UCHL3: variants seen among roughly 807,000 people sequenced by gnomAD.
UCHL3 encodes the protein ubiquitin carboxyl-terminal hydrolase isozyme L3.
UCHL3 carries 22 observed loss-of-function variants against 35.8 expected under a neutral mutation model. The ratio of observed to expected loss-of-function variants is 0.61; its 90% CI spans 0.44 to 0.88. UCHL3 has a LOEUF of 0.88. Among genes scored for constraint, UCHL3 ranks in the 40% least tolerant of loss-of-function variants. The pLI is 0.00. For synonymous variants in UCHL3, 90 were observed against 92.8 expected (o/e 0.97, Z 0.17); for missense variants, 229 against 276.9 (o/e 0.83, Z 1.23).
chr13:75,592,453 T>TATATATATATGTATATATGTATATAC (rs2032530364), intron 6 of UCHL3, among the ~76,000 whole-genome samples: 1 of 102,186 alleles, frequency 9.8e-6, no homozygotes, highest in African/African-American at 3.3e-5. Context: ...TATATATATA[T>TATATATATATGTATATATGTATATAC]ATATATATAT....
intron 6 of UCHL3, among the ~76,000 whole-genome samples, chr13:75,586,959 T>C (rs930198827): frequency 6.9e-6 from 1 of 145,446 alleles, no homozygotes; most frequent in Non-Finnish European, 1.5e-5. Flanking sequence ...ATTACATGCT[T>C]ATAGTAGAAA....
intron 7 of UCHL3, among the ~76,000 whole-genome samples, chr13:75,603,655 A>G (rs1211613623): frequency 1.3e-5 from 2 of 149,462 alleles, no homozygotes; most frequent in African/African-American, 2.4e-5. Context: ...CTATTGAAGA[A>G]TAAGCATTTA....
At position 75,593,158 on chromosome 13, in the gene UCHL3, C is replaced by T. The variant is rs7317172; in HGVS notation, c.475-1757C>T. On this transcript the variant is annotated intron_variant, in intron 6 of 8. Coordinates refer to ENST00000377595, the MANE Select transcript of UCHL3 (RefSeq NM_006002.5). The stretch of plus-strand genomic sequence containing the variant: ...TTAAAAGATTTAGAGTATTTCATAT[C>T]CTGTTGGAAAATTGTCTTAAAATGA... Among the ~76,000 whole-genome samples, 564 of 152,154 alleles carry T rather than the reference C, an allele frequency of 3.7e-3. 2 individuals are homozygous for T. The highest frequency in any genetic ancestry group is 0.013 in the African/African-American group (545 of 41,512).
chr13:75,584,036 C>G (rs1037334322), intron 6 of UCHL3, among the ~76,000 whole-genome samples: 1 of 152,144 alleles, frequency 6.6e-6, no homozygotes, highest in Non-Finnish European at 1.5e-5. Flanking sequence ...GGCGTGAAGC[C>G]TGGATTCTTC....
intron 2 of UCHL3, among the ~76,000 whole-genome samples, chr13:75,559,622 C>G (rs988193794): frequency 6.6e-6 from 1 of 152,164 alleles, no homozygotes; most frequent in Non-Finnish European, 1.5e-5. Flanking sequence ...GTCATGGCTT[C>G]CACTGGTTTT....
intron 7 of UCHL3, 29 bp from the exon 8 acceptor site, chr13:75,604,740 G>A: frequency 5.7e-6 from 9 of 1,572,524 alleles, no homozygotes; most frequent in Non-Finnish European, 7.8e-6. Flanking sequence ...AAACAGCTAA[G>A]CATTCAATTG....
intron 6 of UCHL3, among the ~76,000 whole-genome samples, chr13:75,573,628 G>A (rs1387494043): frequency 2.6e-5 from 4 of 152,086 alleles, no homozygotes; most frequent in Non-Finnish European, 5.9e-5. Flanking sequence ...GGAGAGAGAC[G>A]GGGAGAGAGA....
chr13:75,559,164 C>T (rs1015422229), intron 2 of UCHL3, among the ~76,000 whole-genome samples: 23 of 151,554 alleles, frequency 1.5e-4, no homozygotes, highest in African/African-American at 5.3e-4. Context: ...CTTAGCCTCC[C>T]GAGTAGCTGG....
At chr13:75,599,783 C>A (rs1566231808) in intron 7 of UCHL3, among the ~76,000 whole-genome samples, 2 of 152,134 alleles carry the variant, frequency 1.3e-5, no homozygotes, top group Non-Finnish European at 2.9e-5. Context: ...CAGATAATAA[C>A]CCTACAAAGG....
intron 3 of UCHL3, 109 bp from the exon 4 acceptor site, chr13:75,566,586 C>T: frequency 2.9e-6 from 2 of 700,534 alleles, no homozygotes; most frequent in Admixed American, 3.9e-5. Context: ...ATTTTAAACC[C>T]TTTCTTTCAT....
intron 6 of UCHL3, among the ~76,000 whole-genome samples, chr13:75,571,727 C>G (rs2031862662): frequency 6.6e-6 from 1 of 152,066 alleles, no homozygotes. Context: ...AGATGGAGTG[C>G]AGATAGAAGT....
At position 75,575,424 on chromosome 13, in the gene UCHL3, T is replaced by C. The variant is rs180783831; in HGVS notation, c.474+5917T>C. 5.9e-5 allele frequency among the ~76,000 whole-genome samples: 9 copies of C among 152,262 alleles called. 1 individual carries two copies. In the East Asian group the frequency reaches 1.5e-3, roughly 26 times the overall value. ...ATTAAATTATTAGTGGCAGAGAGTG[T>C]TTTCTTTTTTTCCATTGATTTTCCA... On this transcript the variant is annotated intron_variant, in intron 6 of 8. Coordinates refer to ENST00000377595, the MANE Select transcript of UCHL3 (RefSeq NM_006002.5).
intron 7 of UCHL3, chr13:75,604,500 G>GT (rs1555278187): frequency 3.2e-6 from 1 of 314,346 alleles, no homozygotes; most frequent in Non-Finnish European, 5.7e-6. Flanking sequence ...ATAATTTTGC[G>GT]TATTATTTTC....
In UCHL3 at chr13:75,567,305, A is replaced by G; in HGVS notation, c.419A>G (p.Asn140Ser). 6.2e-7 allele frequency: 1 copy of G among 1,614,102 alleles called. No homozygotes were observed. Among genetic ancestry groups the G allele is most frequent in the Non-Finnish European group, 8.5e-7 (1 of 1,179,992 alleles). The change falls in exon 5 of 9, where the codon AAC becomes AGC. Residue 140 changes from asparagine (N) to serine (S), a missense_variant. By Grantham distance (46) the Asn-to-Ser change is conservative. Coordinates refer to ENST00000377595, the MANE Select transcript of UCHL3 (RefSeq NM_006002.5). ...GAAGAACGAGCCAGATACCTGGAGAACTATGATGTCGGTACCTTCTTTCCG... is the reference window on the plus strand; with the variant it reads ...GAAGAACGAGCCAGATACCTGGAGAGCTATGATGTCGGTACCTTCTTTCCG... ...SPEERARYLE[N>S]YDAIRVTHET...
chr13:75,589,255 G>C (rs2032411070), intron 6 of UCHL3, among the ~76,000 whole-genome samples: 1 of 152,112 alleles, frequency 6.6e-6, no homozygotes, highest in Non-Finnish European at 1.5e-5. Context: ...AGGAATAGTT[G>C]TGCCTGTGGG....
At chr13:75,602,409 C>T (rs533125122) in intron 7 of UCHL3, among the ~76,000 whole-genome samples, 4 of 152,300 alleles carry the variant, frequency 2.6e-5, no homozygotes, top group South Asian at 2.1e-4. Context: ...TTTTCTTCCC[C>T]GTCCAGCCTG....
At chr13:75,573,611 G>A (rs1048723755) in intron 6 of UCHL3, among the ~76,000 whole-genome samples, 1 of 152,150 alleles carries the variant, frequency 6.6e-6, no homozygotes, top group South Asian at 2.1e-4. Context: ...TCATATGGAG[G>A]GGGTGTGGAG....
chr13:75,589,850 T>A (rs754694907), intron 6 of UCHL3: 7 of 1,038,206 alleles, frequency 6.7e-6, no homozygotes, highest in Non-Finnish European at 8.8e-6. Context: ...CCATATGAAT[T>A]ACAAGCATGA....
intron 6 of UCHL3, among the ~76,000 whole-genome samples, chr13:75,586,793 T>C (rs2032334473): frequency 6.6e-6 from 1 of 151,760 alleles, no homozygotes; most frequent in African/African-American, 2.4e-5. Flanking sequence ...CAAAGAGGAA[T>C]CACAAGAGAA....
Sources: gnomAD v4.1 joint callset for allele counts (sites outside exome capture counted in the v4.1 genomes callset) on GRCh38, gnomAD v4.1.1 for gene constraint, MANE v1.5 for transcripts, NCBI Gene and HGNC (gene_info 2026-07-23, HGNC 2026-07-21) for gene names.